The following RAB12 variants were observed in gnomAD, a reference collection of about 807,000 sequenced individuals.
RAB12 encodes RAB12, member RAS oncogene family, also known as ras-related protein Rab-12.
Under a neutral mutation model 28.4 loss-of-function variants are expected in RAB12, and 11 were observed. That is an observed-to-expected ratio of 0.39 (90% CI 0.24 to 0.64). The LOEUF (loss-of-function observed/expected upper bound fraction) is 0.64. RAB12 is among the 30% of genes least tolerant of loss of function. The pLI, the probability that RAB12 is intolerant of heterozygous loss-of-function variation, is 0.50. For missense variants in RAB12, 276 were observed against 351.1 expected, an observed-to-expected ratio of 0.79 and a Z score of 1.71; for synonymous variants, 138 against 145.3, an observed-to-expected ratio of 0.95 and a Z score of 0.36.
intron 1 of RAB12, among the ~76,000 whole-genome samples, chr18:8,624,121 A>AG (rs2096011404): frequency 6.6e-6 from 1 of 152,266 alleles, no homozygotes; most frequent in Admixed American, 6.5e-5. Flanking sequence ...GGAAGCTGTC[A>AG]GGAAGTCGTT....
intron 5 of RAB12, 95 bp from the exon 6 acceptor site, chr18:8,638,054 G>A (rs575764480): frequency 5.5e-6 from 4 of 729,428 alleles, no homozygotes; most frequent in Non-Finnish European, 9.5e-6. Flanking sequence ...CTGTGTATAA[G>A]TGGACCTGTG....
At chr18:8,615,411 A>G (rs2096006213) in intron 1 of RAB12, among the ~76,000 whole-genome samples, 1 of 152,180 alleles carries the variant, frequency 6.6e-6, no homozygotes, top group African/African-American at 2.4e-5. Flanking sequence ...GCTATACTGT[A>G]TTTGTACACA....
chr18:8,615,021 C>T (rs2148706263), intron 1 of RAB12, among the ~76,000 whole-genome samples: 1 of 152,352 alleles, frequency 6.6e-6, no homozygotes, highest in Non-Finnish European at 1.5e-5. Flanking sequence ...TGTGTGCTCT[C>T]TGCCTGACTC....
intron 1 of RAB12, among the ~76,000 whole-genome samples, chr18:8,612,521 C>T (rs530588538): frequency 3.9e-5 from 6 of 152,270 alleles, no homozygotes; most frequent in South Asian, 2.1e-4. Context: ...GGGCTGCTCG[C>T]GACAGCCGTC....
chr18:8,623,206 C>T (rs546402272), intron 1 of RAB12, among the ~76,000 whole-genome samples: 10 of 152,174 alleles, frequency 6.6e-5, no homozygotes, highest in East Asian at 3.9e-4. Flanking sequence ...TGATAAGTGT[C>T]GATGGAATCT....
At chr18:8,636,484 A>G (rs1277749019) in intron 5 of RAB12, 127 bp downstream of exon 5, 1 of 624,826 alleles carries the variant, frequency 1.6e-6, no homozygotes, top group African/African-American at 1.9e-5. Context: ...CGCAAGAACC[A>G]GGTATGGTTG....
At chr18:8,635,719 AATT>A in intron 4 of RAB12, 97 bp downstream of exon 4, 1 of 745,458 alleles carries the variant, frequency 1.3e-6, no homozygotes, top group Non-Finnish European at 2.1e-6. Context: ...ATTACAAAGA[AATT>A]ATCAATACAG....
chr18:8,614,481 C>G (rs529746257), intron 1 of RAB12, among the ~76,000 whole-genome samples: 33 of 134,168 alleles, frequency 2.5e-4, no homozygotes, highest in Non-Finnish European at 3.1e-4. Flanking sequence ...ATTGCCAGTT[C>G]TTTATTTTGC....
At chr18:8,627,639 T>C (rs12458216) in intron 2 of RAB12, among the ~76,000 whole-genome samples, 8,636 of 152,336 alleles carry the variant, frequency 0.057, 350 homozygotes, top group South Asian at 0.11. Flanking sequence ...ATCCAAATGG[T>C]GTCCTAGAAA....
intron 1 of RAB12, chr18:8,610,201 C>T (rs1023866473): frequency 1.6e-5 from 6 of 385,878 alleles, no homozygotes; most frequent in Non-Finnish European, 1.9e-5. Flanking sequence ...TGGCAGCCCC[C>T]GGGGCCTGTG....
chr18:8,631,594 C>T (rs564612115), intron 2 of RAB12, among the ~76,000 whole-genome samples: 1 of 152,346 alleles, frequency 6.6e-6, no homozygotes, highest in Non-Finnish European at 1.5e-5. Context: ...CCCAGCACAT[C>T]TTCACTGTTC....
intron 1 of RAB12, among the ~76,000 whole-genome samples, chr18:8,617,709 CTTT>C (rs568365476): frequency 6.6e-6 from 1 of 152,108 alleles, no homozygotes; most frequent in Non-Finnish European, 1.5e-5. Context: ...CAGCCTCTGC[CTTT>C]TGTTCATCAG....
chr18:8,635,952 A>G (rs1025756327), intron 4 of RAB12, among the ~76,000 whole-genome samples: 2 of 152,240 alleles, frequency 1.3e-5, no homozygotes, highest in Non-Finnish European at 2.9e-5. Context: ...TAAGGATTGA[A>G]TCATGGAGAA....
At chr18:8,618,725 A>G (rs753376514) in intron 1 of RAB12, among the ~76,000 whole-genome samples, 15 of 152,138 alleles carry the variant, frequency 9.9e-5, no homozygotes, top group Admixed American at 3.3e-4. Flanking sequence ...TGTTAGCCAG[A>G]ATGGTCTTGA....
At chr18:8,610,115 C>G (rs1380495136) in intron 1 of RAB12, 162 bp downstream of exon 1, 4 of 558,888 alleles carry the variant, frequency 7.2e-6, no homozygotes, top group South Asian at 2.2e-5. Flanking sequence ...GCATCCCAAT[C>G]CCAAAGCCTG....
chr18:8,635,656 CTG>C (rs761250371), intron 4 of RAB12, 34 bp downstream of exon 4: 2 of 1,381,104 alleles, frequency 1.4e-6, no homozygotes, highest in Admixed American at 4.2e-5. Context: ...TTGCCACACA[CTG>C]TGCTTAGCGC....
At chr18:8,614,715 A>G (rs2096005807) in intron 1 of RAB12, among the ~76,000 whole-genome samples, 1 of 152,016 alleles carries the variant, frequency 6.6e-6, no homozygotes, top group Non-Finnish European at 1.5e-5. Context: ...CCTCCCAAGT[A>G]ACTGGGATTA....
rs1406335546 is a variant in RAB12, at chr18:8,639,055, G to A, written c.*793G>A. 7.5e-5 allele frequency: 11 copies of A among 146,146 alleles called. No homozygotes were observed. The East Asian group carries it at 8.7e-4, about 12-fold the overall frequency. The allele number at this position is 146,146 out of a possible 1,614,324, so 9.1% of individuals were successfully genotyped here. On this transcript the variant is annotated 3_prime_UTR_variant, in exon 6 of 6. Coordinates refer to ENST00000649141, the MANE Select transcript of RAB12 (RefSeq NM_001025300.3). ...CATTTTACTATATCAAAGAACATAC[G>A]TGTATTTGCCTAAACACTCTGTACC...
chr18:8,627,828 C>T (rs1166087739), intron 2 of RAB12, among the ~76,000 whole-genome samples: 1 of 152,140 alleles, frequency 6.6e-6, no homozygotes. Flanking sequence ...CAGCATCATT[C>T]CTTTTGTTCT....
Sources: gnomAD v4.1 joint callset for allele counts (sites outside exome capture counted in the v4.1 genomes callset) on GRCh38, gnomAD v4.1.1 for gene constraint, MANE v1.5 for transcripts, NCBI Gene and HGNC (gene_info 2026-07-23, HGNC 2026-07-21) for gene names.